SASS6: variants seen among roughly 807,000 people sequenced by gnomAD.
The protein encoded by SASS6 is spindle assembly abnormal protein 6 homolog.
In SASS6, 59 loss-of-function variants were observed where a neutral mutation model predicts 94.9. That is an observed-to-expected ratio of 0.62 (90% confidence interval 0.50 to 0.77). The LOEUF (loss-of-function observed/expected upper bound fraction) is 0.77. Ranked by LOEUF, SASS6 falls within the 30% of genes least tolerant of loss-of-function variation. SASS6 has a pLI of 0.00. For synonymous variants in SASS6, 264 were observed against 270.0 expected (o/e 0.98, Z 0.22); for missense variants, 698 against 734.1 (o/e 0.95, Z 0.57).
chr1:100,107,406 C>T lies in SASS6; in HGVS notation c.1294G>A (p.Val432Ile). Residue 432 changes from valine (V) to isoleucine (I), a missense_variant, in exon 11 of 17, where the codon GTT becomes ATT. Val to Ile is a conservative substitution (Grantham distance 29). Transcript: ENST00000287482. Reference protein sequence around the residue: ...LQKEQKELQDVGQSLRIKEQE... With the variant: ...LQKEQKELQDIGQSLRIKEQE... ...TCTTTAATTCGAAGAGACTGTCCAA[C>T]ATCTTGTAATTCCTTTTGTTCCTTT... 6.2e-7 allele frequency: 1 copy of T among 1,609,280 alleles called. No individual in the cohort carries two copies. The highest frequency in any genetic ancestry group is 8.5e-7 in the Non-Finnish European group (1 of 1,176,752).
intron 7 of SASS6, among the ~76,000 whole-genome samples, chr1:100,112,472 A>AT (rs1015979925): frequency 2.0e-5 from 3 of 152,132 alleles, no homozygotes; most frequent in East Asian, 1.9e-4. Context: ...TACTCAGTAT[A>AT]TTTTTTTAAA....
chr1:100,089,679 A>G (rs1159099551), intron 14 of SASS6, among the ~76,000 whole-genome samples: 1 of 152,136 alleles, frequency 6.6e-6, no homozygotes, highest in African/African-American at 2.4e-5. Flanking sequence ...TAACAACATT[A>G]TAAGACAAAA....
rs951593882 is a variant in SASS6 at position 100,109,226 on chromosome 1, A to T, written c.861+1066T>A. On this transcript the variant is annotated intron_variant, in intron 8 of 16. Transcript: ENST00000287482. Reference sequence around the variant, plus strand: ...GCAGGAAAAACAGAAGACATCTATTATTGGGGCAAAACAATATGAGGATCT... The same window carrying T: ...GCAGGAAAAACAGAAGACATCTATTTTTGGGGCAAAACAATATGAGGATCT... Among the ~76,000 whole-genome samples, 3 of 152,084 alleles carry T rather than the reference A, an allele frequency of 2.0e-5. No homozygotes were observed. In the South Asian group the frequency reaches 6.2e-4, roughly 31 times the overall value.
intron 1 of SASS6, among the ~76,000 whole-genome samples, chr1:100,126,962 T>C (rs1455184427): frequency 6.6e-6 from 1 of 152,212 alleles, no homozygotes; most frequent in East Asian, 1.9e-4. Context: ...TCAACAAGTT[T>C]ATTACACCTA....
At chr1:100,100,176 G>C (rs1652373686) in intron 14 of SASS6, among the ~76,000 whole-genome samples, 1 of 152,176 alleles carries the variant, frequency 6.6e-6, no homozygotes, top group Non-Finnish European at 1.5e-5. Flanking sequence ...TGAGGCATGA[G>C]AATCGCTTGA....
intron 6 of SASS6, among the ~76,000 whole-genome samples, 194 bp from the exon 7 acceptor site, chr1:100,119,331 C>A (rs1654005243): frequency 6.6e-6 from 1 of 151,996 alleles, no homozygotes; most frequent in Non-Finnish European, 1.5e-5. Flanking sequence ...AATCTTAGAC[C>A]CAAAACGGCC....
At chr1:100,113,317 C>G (rs1314559610) in intron 7 of SASS6, among the ~76,000 whole-genome samples, 2 of 151,810 alleles carry the variant, frequency 1.3e-5, no homozygotes, top group Admixed American at 1.3e-4. Flanking sequence ...GAAAATCAAG[C>G]CAAAAAAAAG....
In SASS6 at chr1:100,132,763, CTT is replaced by C. The variant is rs1213319370; in HGVS notation, c.50_51del (p.Lys17ArgfsTer3). On this transcript the variant is annotated frameshift_variant, in exon 1 of 17. Coordinates refer to ENST00000287482, the MANE Select transcript of SASS6 (RefSeq NM_194292.3). LOFTEE classifies it high-confidence loss of function. ...CGCGGACCTTACCTCTCCTCACAGTCTTTGCATTTCACCTGCAACGGGACTAG... is the reference window on the plus strand; with the variant it reads ...CGCGGACCTTACCTCTCCTCACAGTCTGCATTTCACCTGCAACGGGACTAG... ...HQLVPLQVKC[K>X]DCEERRVSIR... is the part of the protein sequence containing the mutation. 3 of 1,614,006 alleles carry C rather than the reference CTT, an allele frequency of 1.9e-6. No individual in the cohort carries two copies. Among genetic ancestry groups the C allele is most frequent in the African/African-American group, 1.3e-5 (1 of 75,058 alleles).
chr1:100,120,974 C>T (rs1022642921), intron 5 of SASS6, among the ~76,000 whole-genome samples: 49 of 146,234 alleles, frequency 3.4e-4, no homozygotes, highest in African/African-American at 1.2e-3. Context: ...GGCGTGAACC[C>T]GGGAGGCGGA....
chr1:100,123,485 T>C (rs1192884757), intron 2 of SASS6, among the ~76,000 whole-genome samples, 196 bp from the exon 3 acceptor site: 1 of 152,174 alleles, frequency 6.6e-6, no homozygotes, highest in Non-Finnish European at 1.5e-5. Context: ...ATTCCGCTCT[T>C]TAAAAGCCAC....
intron 12 of SASS6, 48 bp from the exon 13 acceptor site, chr1:100,105,951 T>G: frequency 7.9e-7 from 1 of 1,269,890 alleles, no homozygotes; most frequent in Non-Finnish European, 1.1e-6. Context: ...GACTGTTTAT[T>G]TTTCTAATCA....
At chr1:100,122,542 T>C in intron 3 of SASS6, 58 bp from the exon 4 acceptor site, 1 of 590,616 alleles carries the variant, frequency 1.7e-6, no homozygotes, top group South Asian at 1.9e-5. Flanking sequence ...TTGTTTTGTT[T>C]TGGTGCCTTT....
At chr1:100,125,819 A>G in intron 2 of SASS6, 63 bp downstream of exon 2, 3 of 858,702 alleles carry the variant, frequency 3.5e-6, no homozygotes, top group Non-Finnish European at 5.7e-6. Flanking sequence ...ACATTCTTAA[A>G]GAACAAAACT....
At chr1:100,096,980 T>C (rs1188099153) in intron 14 of SASS6, among the ~76,000 whole-genome samples, 1 of 152,118 alleles carries the variant, frequency 6.6e-6, no homozygotes, top group Non-Finnish European at 1.5e-5. Context: ...CTGGACGTGG[T>C]GGCGTGCACT....
At position 100,121,433 on chromosome 1, in the gene SASS6, G is replaced by A; in HGVS notation, c.428C>T (p.Pro143Leu). Residue 143 changes from proline to leucine, a missense_variant, in exon 5 of 17, where the codon CCT (proline) becomes CTT (leucine). Transcript: ENST00000287482. ...HLTHLSLKLL[P>L]GNDVEIKKFL... The stretch of plus-strand genomic sequence containing the variant: ...TTTCTTTATCTCCACATCATTTCCA[G>A]GTAAAAGTTTTAGTGAGAGGTGTGT... 6.3e-7 allele frequency: 1 copy of A among 1,599,410 alleles called. No individual in the cohort carries two copies. The highest frequency in any genetic ancestry group is 8.5e-7 in the Non-Finnish European group (1 of 1,174,490).
intron 1 of SASS6, among the ~76,000 whole-genome samples, chr1:100,132,531 C>T (rs538539527): frequency 6.6e-6 from 1 of 152,102 alleles, no homozygotes; most frequent in South Asian, 2.1e-4. Context: ...TGATGTGAGC[C>T]GGCTTCCTAA....
At chr1:100,129,778 T>G (rs766665467) in intron 1 of SASS6, among the ~76,000 whole-genome samples, 4 of 152,166 alleles carry the variant, frequency 2.6e-5, no homozygotes, top group African/African-American at 7.2e-5. Flanking sequence ...ATTGGAGAGA[T>G]AAGCTTAGGA....
chr1:100,132,360 C>CCAAG (rs1466276625), intron 1 of SASS6, among the ~76,000 whole-genome samples: 2 of 152,184 alleles, frequency 1.3e-5, no homozygotes, highest in Non-Finnish European at 1.5e-5. Flanking sequence ...AGGCTCGGAG[C>CCAAG]CAAGGCCTGA....
In SASS6 at chr1:100,121,529, G is replaced by A; in HGVS notation, c.332C>T (p.Ser111Phe). ...EIPRFLLQLV[S>F]PAAILDNSPA... is the part of the protein sequence containing the mutation. ...TGAGTTATCCAAAATAGCTGCTGGA[G>A]AAACTAACTGTAGCAAAAACCTTTG... is the stretch of plus-strand genomic sequence containing the variant. Residue 111 changes from serine to phenylalanine, a missense_variant, in exon 5 of 17, where the codon TCT (serine) becomes TTT (phenylalanine). Ser to Phe is a radical substitution (Grantham distance 155). Transcript: ENST00000287482. 1.9e-6 allele frequency: 3 copies of A among 1,588,748 alleles called. No individual in the cohort carries two copies. Among genetic ancestry groups the A allele is most frequent in the Non-Finnish European group, 2.6e-6 (3 of 1,164,662 alleles).
Sources: gnomAD v4.1 joint callset for allele counts (sites outside exome capture counted in the v4.1 genomes callset) on GRCh38, gnomAD v4.1.1 for gene constraint, MANE v1.5 for transcripts, NCBI Gene and HGNC (gene_info 2026-07-23, HGNC 2026-07-21) for gene names.